The following GTF2F2 variants were observed in gnomAD, a reference collection of about 807,000 sequenced individuals.
GTF2F2 encodes general transcription factor IIF subunit 2, also known as ATP-dependent helicase GTF2F2.
A neutral mutation model predicts 42.2 loss-of-function variants in GTF2F2; 23 were observed. The ratio of observed to expected loss-of-function variants is 0.55; its 90% CI spans 0.39 to 0.77. The LOEUF (loss-of-function observed/expected upper bound fraction) is 0.77, where lower values mean the gene tolerates loss of function less well. GTF2F2 is among the 30% of genes least tolerant of loss of function. The pLI, the probability that GTF2F2 is intolerant of heterozygous loss-of-function variation, is 0.00. For missense variants in GTF2F2, 261 were observed against 287.2 expected (o/e 0.91, Z 0.66); for synonymous variants, 105 against 100.8 (o/e 1.04, Z -0.25).
intron 7 of GTF2F2, among the ~76,000 whole-genome samples, chr13:45,280,088 A>G (rs1877199758): frequency 6.6e-6 from 1 of 152,226 alleles, no homozygotes; most frequent in Admixed American, 6.5e-5. Context: ...CCTAGTCTTA[A>G]AGAATGAGGG....
At chr13:45,234,938 G>C (rs1047960611) in intron 5 of GTF2F2, among the ~76,000 whole-genome samples, 4 of 150,094 alleles carry the variant, frequency 2.7e-5, no homozygotes, top group Non-Finnish European at 4.4e-5. Context: ...CCAGCTATTC[G>C]GGAGGCCGAG....
At chr13:45,151,248 G>T (rs182918568) in intron 3 of GTF2F2, among the ~76,000 whole-genome samples, 21 of 152,222 alleles carry the variant, frequency 1.4e-4, no homozygotes, top group Non-Finnish European at 2.8e-4. Context: ...CTGTTTCTGC[G>T]CTAATTTACA....
At chr13:45,274,952 A>G (rs1452350405) in intron 7 of GTF2F2, among the ~76,000 whole-genome samples, 1 of 151,888 alleles carries the variant, frequency 6.6e-6, no homozygotes, top group Non-Finnish European at 1.5e-5. Flanking sequence ...TAGTATATTC[A>G]TAGAGTTGTG....
chr13:45,178,373 G>C (rs1871984805), intron 4 of GTF2F2, among the ~76,000 whole-genome samples: 1 of 147,538 alleles, frequency 6.8e-6, no homozygotes, highest in Non-Finnish European at 1.5e-5. Context: ...TGTCTTATGT[G>C]GTTCTTTTTT....
chr13:45,180,075 A>G (rs1452306261), intron 4 of GTF2F2, among the ~76,000 whole-genome samples: 8 of 152,162 alleles, frequency 5.3e-5, no homozygotes, highest in Non-Finnish European at 1.0e-4. Flanking sequence ...AATTTTGAAA[A>G]TTATAATCCT....
intron 4 of GTF2F2, among the ~76,000 whole-genome samples, chr13:45,162,880 C>T (rs1056183614): frequency 3.9e-5 from 6 of 152,056 alleles, no homozygotes; most frequent in African/African-American, 1.4e-4. Context: ...TGACATTTGC[C>T]ATATTTCTTT....
chr13:45,150,895 A>G (rs1028864461), intron 3 of GTF2F2, among the ~76,000 whole-genome samples: 4 of 152,100 alleles, frequency 2.6e-5, no homozygotes, highest in South Asian at 2.1e-4. Context: ...TACAGACCAG[A>G]GAAAACATGA....
At chr13:45,189,306 T>C (rs1199385139) in intron 4 of GTF2F2, among the ~76,000 whole-genome samples, 1 of 152,214 alleles carries the variant, frequency 6.6e-6, no homozygotes, top group African/African-American at 2.4e-5. Context: ...TCTGTTATGA[T>C]GGACATTTGG....
chr13:45,251,508 T>C (rs964447710), intron 5 of GTF2F2, among the ~76,000 whole-genome samples: 5 of 152,200 alleles, frequency 3.3e-5, no homozygotes, highest in African/African-American at 9.6e-5. Flanking sequence ...TAAATACTTA[T>C]TGCAGAACAT....
At chr13:45,140,378 A>G (rs1165890821) in intron 2 of GTF2F2, among the ~76,000 whole-genome samples, 1 of 152,218 alleles carries the variant, frequency 6.6e-6, no homozygotes, top group African/African-American at 2.4e-5. Flanking sequence ...TAGTGGAGTC[A>G]GGCTTGTATT....
intron 6 of GTF2F2, among the ~76,000 whole-genome samples, chr13:45,255,860 T>C (rs972195655): frequency 3.3e-5 from 5 of 152,208 alleles, no homozygotes; most frequent in African/African-American, 1.2e-4. Context: ...GACTGCACTT[T>C]CATAGGCTGT....
chr13:45,162,313 G>A (rs990623711), intron 4 of GTF2F2, among the ~76,000 whole-genome samples: 2 of 152,254 alleles, frequency 1.3e-5, no homozygotes, highest in East Asian at 3.9e-4. Flanking sequence ...TTCTCACTCC[G>A]CTAGTAAAGG....
chr13:45,204,624 T>C (rs1873343608), intron 4 of GTF2F2, among the ~76,000 whole-genome samples: 1 of 152,204 alleles, frequency 6.6e-6, no homozygotes, highest in Non-Finnish European at 1.5e-5. Context: ...GTGGAAAGAA[T>C]ATGAGAATGT....
At chr13:45,260,199 T>C (rs1230014960) in intron 6 of GTF2F2, among the ~76,000 whole-genome samples, 1 of 152,208 alleles carries the variant, frequency 6.6e-6, no homozygotes, top group Non-Finnish European at 1.5e-5. Flanking sequence ...AACTAAGATT[T>C]GGGGTTTGAG....
intron 5 of GTF2F2, among the ~76,000 whole-genome samples, chr13:45,242,987 A>T (rs531627505): frequency 6.6e-6 from 1 of 152,302 alleles, no homozygotes; most frequent in South Asian, 2.1e-4. Context: ...TATTTTTATT[A>T]CATGAATTTT....
intron 5 of GTF2F2, among the ~76,000 whole-genome samples, chr13:45,219,043 TAA>T (rs980553562): frequency 6.6e-6 from 1 of 151,652 alleles, no homozygotes; most frequent in African/African-American, 2.4e-5. Flanking sequence ...TTGTTTTTTT[TAA>T]AAAAAAGGCT....
At position 45,132,167 on chromosome 13, in the gene GTF2F2, G is replaced by C. The variant is rs189995161; in HGVS notation, c.67-4566G>C. On this transcript the variant is annotated intron_variant, in intron 1 of 7. Coordinates refer to ENST00000340473, the MANE Select transcript of GTF2F2 (RefSeq NM_004128.3). ...ATTGGTATATAACCTATTACCATGG[G>C]CTTAGTAGTTTAAAACAACATGCAT... is the stretch of plus-strand genomic sequence containing the variant. Among the ~76,000 whole-genome samples the C allele has an allele frequency of 3.1e-3, 470 of 152,218 alleles. 2 individuals are homozygous for C. The highest frequency in any genetic ancestry group is 4.4e-3 in the South Asian group (21 of 4,818).
intron 5 of GTF2F2, among the ~76,000 whole-genome samples, chr13:45,212,767 G>A (rs1273529825): frequency 6.6e-6 from 1 of 151,448 alleles, no homozygotes; most frequent in African/African-American, 2.4e-5. Flanking sequence ...GTTGAGACAG[G>A]GGCTTACTCT....
chr13:45,167,394 C>CTT (rs1401944955), intron 4 of GTF2F2, among the ~76,000 whole-genome samples: 1 of 108,854 alleles, frequency 9.2e-6, no homozygotes, highest in African/African-American at 3.7e-5. Flanking sequence ...TTTCACCCAG[C>CTT]TATTTTTTTT....
Sources: allele counts gnomAD v4.1 joint callset (sites outside exome capture counted in the v4.1 genomes callset), GRCh38; gene constraint gnomAD v4.1.1; transcripts MANE v1.5; gene names NCBI Gene and HGNC (gene_info 2026-07-23, HGNC 2026-07-21).